Variants in WDR93 observed in about 807,000 individuals in gnomAD.
WDR93 encodes WD repeat domain 93.
WDR93 carries 73 observed loss-of-function variants against 82.9 expected under a neutral mutation model. That is an observed-to-expected ratio of 0.88 (90% CI 0.73 to 1.07). The LOEUF is 1.07. Among genes scored for constraint, WDR93 ranks in the 50% least tolerant of loss-of-function variants. The pLI, the probability that WDR93 is intolerant of heterozygous loss-of-function variation, is 0.00. For missense variants in WDR93, 738 were observed against 826.0 expected, an observed-to-expected ratio of 0.89 and a Z score of 1.31; for synonymous variants, 283 against 300.1, an observed-to-expected ratio of 0.94 and a Z score of 0.59.
chr15:89,695,604 T>C (rs1965128824), intron 1 of WDR93, among the ~76,000 whole-genome samples: 1 of 152,218 alleles, frequency 6.6e-6, no homozygotes, highest in African/African-American at 2.4e-5. Flanking sequence ...GGTTTGTTAT[T>C]GCCAGTACAT....
At chr15:89,738,627 A>C (rs1397456215) in intron 16 of WDR93, among the ~76,000 whole-genome samples, 46 of 76,566 alleles carry the variant, frequency 6.0e-4, no homozygotes, top group African/African-American at 1.7e-3. Context: ...ACTCTGTCCC[A>C]AAAAAAAAAA....
chr15:89,709,931 C>A (rs190088371), intron 4 of WDR93, among the ~76,000 whole-genome samples: 1 of 151,976 alleles, frequency 6.6e-6, no homozygotes, highest in Non-Finnish European at 1.5e-5. Flanking sequence ...GAGGCTGAGG[C>A]GGGCGGATCA....
At chr15:89,695,127 T>G (rs991664235) in intron 1 of WDR93, among the ~76,000 whole-genome samples, 3 of 151,014 alleles carry the variant, frequency 2.0e-5, no homozygotes, top group Non-Finnish European at 4.4e-5. Flanking sequence ...CCTCCAATTA[T>G]GAGTTGTAAA....
rs766828846 is a variant in WDR93 at position 89,738,139 on chromosome 15, T to C, written c.1864T>C (p.Ser622Pro). 1.9e-5 allele frequency: 31 copies of C among 1,614,020 alleles called. No individual in the cohort carries two copies. The highest frequency in any genetic ancestry group is 2.5e-5 in the Non-Finnish European group (30 of 1,180,022). Residue 622 changes from serine to proline, a missense_variant, in exon 16 of 17, where the codon TCA becomes CCA. Coordinates refer to ENST00000268130, the MANE Select transcript of WDR93 (RefSeq NM_020212.2). ...GGCCTGCCCACTCCTGGAAAATATC[T>C]CAAAAAATTGTACCATTCCTCAAAG... ...FEACPLLENISKNCTIPQRDL... is the reference protein window; with the variant it reads ...FEACPLLENIPKNCTIPQRDL...
intron 1 of WDR93, among the ~76,000 whole-genome samples, chr15:89,696,669 A>AT (rs1361647301): frequency 6.6e-6 from 1 of 151,786 alleles, no homozygotes; most frequent in Non-Finnish European, 1.5e-5. Flanking sequence ...TAATTTTTGT[A>AT]TTTTTTGTAT....
chr15:89,707,581 C>T (rs1314634132), intron 4 of WDR93, among the ~76,000 whole-genome samples: 1 of 151,488 alleles, frequency 6.6e-6, no homozygotes, highest in African/African-American at 2.4e-5. Context: ...CACAGACACA[C>T]ACACACAAAT....
intron 7 of WDR93, among the ~76,000 whole-genome samples, chr15:89,718,905 G>A (rs956202162): frequency 1.3e-4 from 20 of 152,152 alleles, no homozygotes; most frequent in Non-Finnish European, 1.5e-4. Context: ...ATGAGCCACC[G>A]CGCCCAGCCC....
intron 8 of WDR93, 81 bp from the exon 9 acceptor site, chr15:89,727,076 G>A: frequency 6.8e-7 from 1 of 1,476,796 alleles, no homozygotes; most frequent in Non-Finnish European, 9.3e-7. Context: ...GCAGGAAGCT[G>A]GGAAGAGTGG....
At position 89,743,392 on chromosome 15, in the gene WDR93, G is replaced by A. The variant is rs1967830498; in HGVS notation, c.*1G>A. On this transcript the variant is annotated 3_prime_UTR_variant, in exon 17 of 17. Transcript: ENST00000268130. ...CCAGAGAGAGAACTTCAAGAAGTGA[G>A]GCTGCCACCGCCCTGGGATCTCTGA... is the stretch of plus-strand genomic sequence containing the variant. 9.3e-6 allele frequency: 15 copies of A among 1,614,106 alleles called. No homozygotes were observed. The highest frequency in any genetic ancestry group is 1.3e-5 in the Non-Finnish European group (15 of 1,180,000).
intron 16 of WDR93, among the ~76,000 whole-genome samples, chr15:89,741,970 A>G (rs1341504007): frequency 1.3e-5 from 2 of 152,142 alleles, no homozygotes; most frequent in African/African-American, 2.4e-5. Context: ...CCAGGATGGT[A>G]TCGATCTCTT....
intron 12 of WDR93, 25 bp from the exon 13 acceptor site, chr15:89,732,981 C>G (rs371992738): frequency 1.2e-6 from 2 of 1,610,538 alleles, no homozygotes; most frequent in Admixed American, 3.3e-5. Flanking sequence ...GTTTTCTGAC[C>G]GGCTTGTGTG....
intron 16 of WDR93, among the ~76,000 whole-genome samples, chr15:89,740,855 A>G (rs1011233754): frequency 6.6e-6 from 1 of 151,420 alleles, no homozygotes; most frequent in South Asian, 2.1e-4. Context: ...AAAGTGTTAA[A>G]TTGGCCGGGC....
chr15:89,695,184 A>G (rs1356485710), intron 1 of WDR93, among the ~76,000 whole-genome samples: 2 of 151,444 alleles, frequency 1.3e-5, no homozygotes, highest in Admixed American at 6.6e-5. Flanking sequence ...TGGGATTATC[A>G]TAGGGATTGT....
intron 1 of WDR93, among the ~76,000 whole-genome samples, chr15:89,695,873 A>G (rs1032191522): frequency 7.2e-6 from 1 of 139,476 alleles, no homozygotes; most frequent in African/African-American, 2.7e-5. Flanking sequence ...CTGGAGTGCA[A>G]TGGCACAATC....
intron 3 of WDR93, chr15:89,705,338 G>A: frequency 3.6e-6 from 2 of 557,046 alleles, no homozygotes; most frequent in Non-Finnish European, 6.4e-6. Context: ...GCCAGGGTAG[G>A]TGGAGAGGAC....
rs192146063 is a variant in WDR93 at position 89,736,322 on chromosome 15, G to A, written c.1608+769G>A. Among the ~76,000 whole-genome samples the A allele has an allele frequency of 7.5e-3, 1,137 of 152,256 alleles. 18 individuals are homozygous for A. The highest frequency in any genetic ancestry group is 0.026 in the African/African-American group (1,093 of 41,546). ...CTGGAGAGAAAGTCTGTGATTCCTG[G>A]TGTGGCCCTACGGAGGGTGAGGGGC... is the stretch of plus-strand genomic sequence containing the variant. On this transcript the variant is annotated intron_variant, in intron 14 of 16. Transcript: ENST00000268130.
chr15:89,734,658 A>G (rs1967012947), intron 13 of WDR93, among the ~76,000 whole-genome samples: 1 of 152,094 alleles, frequency 6.6e-6, no homozygotes. Context: ...CCATTTTTCT[A>G]AATTCATCAT....
At chr15:89,735,793 G>A (rs1179549486) in intron 14 of WDR93, among the ~76,000 whole-genome samples, 1 of 152,216 alleles carries the variant, frequency 6.6e-6, no homozygotes, top group Non-Finnish European at 1.5e-5. Context: ...CTGTGATAGG[G>A]ATTTTTTAAT....
intron 12 of WDR93, 99 bp from the exon 13 acceptor site, chr15:89,732,907 C>A: frequency 8.7e-7 from 1 of 1,148,804 alleles, no homozygotes; most frequent in Non-Finnish European, 1.3e-6. Flanking sequence ...GCCTTCACAT[C>A]CTACAAGTCC....
Sources: gnomAD v4.1 joint callset for allele counts (sites outside exome capture counted in the v4.1 genomes callset) on GRCh38, gnomAD v4.1.1 for gene constraint, MANE v1.5 for transcripts, NCBI Gene and HGNC (gene_info 2026-07-23, HGNC 2026-07-21) for gene names.